Variants in TRHDE observed in about 807,000 individuals in gnomAD.
The protein encoded by TRHDE is thyrotropin releasing hormone degrading enzyme.
Under a neutral mutation model 125.7 loss-of-function variants are expected in TRHDE, and 72 were observed. The observed-to-expected ratio is 0.57, with a 90% CI of 0.47 to 0.70. The LOEUF is 0.70. Among genes scored for constraint, TRHDE ranks in the 30% least tolerant of loss-of-function variants. TRHDE has a pLI of 0.00. For missense variants in TRHDE, 1,110 were observed against 1,327.1 expected (o/e 0.84, Z 2.54); for synonymous variants, 509 against 509.1 (o/e 1.00, Z 0.00).
chr12:72,552,035 G>A (rs1869700705), intron 7 of TRHDE, among the ~76,000 whole-genome samples: 1 of 152,124 alleles, frequency 6.6e-6, no homozygotes, highest in African/African-American at 2.4e-5. Flanking sequence ...GAGTTAGTAA[G>A]AACAAGAGGT....
intron 15 of TRHDE, among the ~76,000 whole-genome samples, chr12:72,624,064 C>T (rs531591993): frequency 2.0e-5 from 3 of 152,080 alleles, no homozygotes; most frequent in East Asian, 1.9e-4. Flanking sequence ...CACTACATGA[C>T]GTGCCCAGCA....
At chr12:72,207,979 G>A (rs1396575640) in intron 2 of TRHDE, among the ~76,000 whole-genome samples, 3 of 152,284 alleles carry the variant, frequency 2.0e-5, no homozygotes, top group African/African-American at 7.2e-5. Flanking sequence ...TCTCAGCACT[G>A]TCGCTGGTGC....
chr12:72,637,856 G>A (rs1234357933), intron 15 of TRHDE, among the ~76,000 whole-genome samples: 1 of 151,612 alleles, frequency 6.6e-6, no homozygotes, highest in Admixed American at 6.6e-5. Flanking sequence ...TGATTGCACT[G>A]TGGTCTGAGA....
chr12:72,294,495 C>T (rs1014534691), intron 2 of TRHDE, among the ~76,000 whole-genome samples: 2 of 152,144 alleles, frequency 1.3e-5, no homozygotes, highest in African/African-American at 4.8e-5. Flanking sequence ...CAGCTTTCAG[C>T]AGAGGAGGAC....
At chr12:72,654,311 T>G in intron 17 of TRHDE, among the ~76,000 whole-genome samples, 1 of 152,182 alleles carries the variant, frequency 6.6e-6, no homozygotes, top group Non-Finnish European at 1.5e-5. Context: ...ACTGAATCCA[T>G]GATCTCCATC....
At chr12:72,252,068 A>C (rs1878697776) in intron 2 of TRHDE, among the ~76,000 whole-genome samples, 1 of 152,070 alleles carries the variant, frequency 6.6e-6, no homozygotes, top group South Asian at 2.1e-4. Flanking sequence ...TGGCTTGCAA[A>C]TATTTTCTTT....
At chr12:72,310,822 C>T (rs533386843) in intron 2 of TRHDE, among the ~76,000 whole-genome samples, 22 of 152,106 alleles carry the variant, frequency 1.4e-4, no homozygotes, top group South Asian at 6.2e-4. Context: ...CAGCTTATTC[C>T]GACCTCTAAT....
chr12:72,376,600 A>C (rs1871893019), intron 2 of TRHDE, among the ~76,000 whole-genome samples: 1 of 152,184 alleles, frequency 6.6e-6, no homozygotes, highest in Admixed American at 6.5e-5. Context: ...AGAATTTAGT[A>C]AATAACTTAC....
chr12:72,600,820 T>C (rs2136058767), intron 12 of TRHDE, among the ~76,000 whole-genome samples: 1 of 152,180 alleles, frequency 6.6e-6, no homozygotes, highest in Admixed American at 6.5e-5. Context: ...TGTTGAGACC[T>C]ACTGCTCAGG....
chr12:72,157,476 CTGG>C (rs993294717), intron 2 of TRHDE, among the ~76,000 whole-genome samples: 2 of 152,172 alleles, frequency 1.3e-5, no homozygotes, highest in African/African-American at 4.8e-5. Flanking sequence ...TGGCTTTGAT[CTGG>C]TGATAGTAGC....
intron 15 of TRHDE, among the ~76,000 whole-genome samples, chr12:72,636,231 T>G (rs1173855729): frequency 6.6e-6 from 1 of 151,950 alleles, no homozygotes; most frequent in Non-Finnish European, 1.5e-5. Context: ...CCCTTGTAAG[T>G]TGGATTCCTA....
intron 3 of TRHDE, among the ~76,000 whole-genome samples, chr12:72,427,145 C>A (rs1174152361): frequency 2.0e-5 from 3 of 152,090 alleles, no homozygotes; most frequent in Admixed American, 6.6e-5. Flanking sequence ...TACCCATAGA[C>A]AATCTGTAAA....
At chr12:72,315,262 T>A (rs1868742789) in intron 2 of TRHDE, among the ~76,000 whole-genome samples, 1 of 152,212 alleles carries the variant, frequency 6.6e-6, no homozygotes, top group Non-Finnish European at 1.5e-5. Flanking sequence ...TCTGGTGAGA[T>A]TAGGAAGTAT....
chr12:72,448,816 T>C (rs183176299), intron 3 of TRHDE, among the ~76,000 whole-genome samples: 1 of 151,666 alleles, frequency 6.6e-6, no homozygotes, highest in African/African-American at 2.4e-5. Context: ...TTAGAGGTAA[T>C]GGAAATTTTT....
At chr12:72,507,492 G>A (rs572909424) in intron 6 of TRHDE, among the ~76,000 whole-genome samples, 179 of 152,246 alleles carry the variant, frequency 1.2e-3, no homozygotes, top group Non-Finnish European at 2.0e-3. Context: ...GATGGTTTAT[G>A]GTATCTGGCG....
intron 2 of TRHDE, among the ~76,000 whole-genome samples, chr12:72,182,371 G>A (rs564726129): frequency 2.6e-5 from 4 of 152,282 alleles, no homozygotes; most frequent in Non-Finnish European, 4.4e-5. Flanking sequence ...GCCCCAGACT[G>A]TTGTTAGGGA....
intron 9 of TRHDE, 54 bp downstream of exon 9, chr12:72,563,094 G>T: frequency 9.2e-6 from 12 of 1,297,780 alleles, no homozygotes; most frequent in Non-Finnish European, 1.2e-5. Context: ...ACATTTGTAG[G>T]TTTAATATTT....
intron 4 of TRHDE, among the ~76,000 whole-genome samples, chr12:72,471,995 C>G (rs1269414031): frequency 6.6e-6 from 1 of 152,172 alleles, no homozygotes; most frequent in Non-Finnish European, 1.5e-5. Context: ...TTACATCTCC[C>G]TGGAATTCTC....
chr12:72,523,065 T>C (rs1261187187), intron 6 of TRHDE, among the ~76,000 whole-genome samples: 1 of 152,060 alleles, frequency 6.6e-6, no homozygotes, highest in Non-Finnish European at 1.5e-5. Context: ...TTAATGTCTC[T>C]TATCAGTGAC....
Sources: gnomAD v4.1 joint callset for allele counts (sites outside exome capture counted in the v4.1 genomes callset) on GRCh38, gnomAD v4.1.1 for gene constraint, MANE v1.5 for transcripts, NCBI Gene and HGNC (gene_info 2026-07-23, HGNC 2026-07-21) for gene names.